The following RGL3 variants were observed in gnomAD, a reference collection of about 807,000 sequenced individuals.
RGL3 encodes ral guanine nucleotide dissociation stimulator-like 3.
In RGL3, 85 loss-of-function variants were observed where a neutral mutation model predicts 90.6. The ratio of observed to expected loss-of-function variants is 0.94; its 90% CI spans 0.79 to 1.12. RGL3 has a LOEUF of 1.12. Among genes scored for constraint, RGL3 ranks in the 50% most tolerant of loss-of-function variants. RGL3 has a pLI of 0.00. For missense variants in RGL3, 1,034 were observed against 939.2 expected, an observed-to-expected ratio of 1.10 and a Z score of -1.32; for synonymous variants, 408 against 385.5, an observed-to-expected ratio of 1.06 and a Z score of -0.68.
intron 4 of RGL3, 121 bp downstream of exon 4, chr19:11,416,493 C>A (rs1248625696): frequency 1.3e-5 from 13 of 983,260 alleles, no homozygotes; most frequent in Non-Finnish European, 2.0e-5. Context: ...GCCACCACGC[C>A]CCACCTGACT....
chr19:11,419,266 C>T lies in RGL3; in HGVS notation c.13G>A (p.Ala5Thr). 1 of 1,579,586 alleles carries T rather than the reference C, an allele frequency of 6.3e-7. No homozygotes were observed. The highest frequency in any genetic ancestry group is 8.6e-7 in the Non-Finnish European group (1 of 1,162,766). The change falls in exon 1 of 19, where the codon GCA (alanine) becomes ACA (threonine). Residue 5 changes from alanine to threonine, a missense_variant. By Grantham distance (58) the Ala-to-Thr change is moderately conservative. Coordinates refer to ENST00000380456, the MANE Select transcript of RGL3 (RefSeq NM_001035223.4). Reference sequence around the variant, plus strand: ...CTTACCAGGGCCAGCTCTTTGCCTGCTGTGCGCTCCATGGCCGGCGCCCGT... The same window carrying T: ...CTTACCAGGGCCAGCTCTTTGCCTGTTGTGCGCTCCATGGCCGGCGCCCGT... MERT[A>T]GKELALAPLQ...
intron 13 of RGL3, 82 bp from the exon 14 acceptor site, chr19:11,400,379 G>A: frequency 7.7e-7 from 1 of 1,304,164 alleles, no homozygotes; most frequent in Admixed American, 2.7e-5. Flanking sequence ...CAGTTGGGAG[G>A]TGGGTTTGGG....
At chr19:11,415,169 A>T (rs937708199) in intron 5 of RGL3, among the ~76,000 whole-genome samples, 2 of 151,746 alleles carry the variant, frequency 1.3e-5, no homozygotes, top group African/African-American at 2.4e-5. Flanking sequence ...AAATTAAATT[A>T]AATTTAAAAA....
intron 7 of RGL3, 147 bp downstream of exon 7, chr19:11,406,272 C>A (rs1447970573): frequency 1.4e-5 from 11 of 811,894 alleles, no homozygotes; most frequent in Non-Finnish European, 1.9e-5. Context: ...GACCCTCCTC[C>A]CTGAACCCAA....
At chr19:11,415,173 T>G (rs1472960878) in intron 5 of RGL3, among the ~76,000 whole-genome samples, 1 of 150,906 alleles carries the variant, frequency 6.6e-6, no homozygotes, top group Non-Finnish European at 1.5e-5. Flanking sequence ...TAAATTAAAT[T>G]TAAAAAGAAA....
rs550546478 is a variant in RGL3, at chr19:11,415,522, C to T, written c.637+415G>A. ...CGGAGTTTCGCTCTGGTTGTCCAGG[C>T]GAGAGTGCAATGGCACGATCTCGAC... On this transcript the variant is annotated intron_variant, in intron 5 of 18. Transcript: ENST00000380456. 2.2e-4 allele frequency among the ~76,000 whole-genome samples: 33 copies of T among 152,078 alleles called. No homozygotes were observed. The South Asian group carries it at 5.8e-3, about 27-fold the overall frequency.
In RGL3 at chr19:11,400,080, G is replaced by A; in HGVS notation, c.1609C>T (p.Pro537Ser). The A allele has an allele frequency of 6.2e-7, 1 of 1,610,430 alleles. No homozygotes were observed. The highest frequency in any genetic ancestry group is 1.3e-5 in the African/African-American group (1 of 74,866). The change falls in exon 15 of 19, where the codon CCT becomes TCT. Residue 537 changes from proline (P) to serine (S), a missense_variant. Pro to Ser is a moderately conservative substitution (Grantham distance 74). Transcript: ENST00000380456. ...GAGGGGTCCCCGGGACTCCCACTAGGTGATGAGCTTTTCTCTCGGGCAAGC... is the reference window on the plus strand; with the variant it reads ...GAGGGGTCCCCGGGACTCCCACTAGATGATGAGCTTTTCTCTCGGGCAAGC... Reference protein sequence around the residue: ...AKLAREKSSSPSGSPGDPSSP... With the variant: ...AKLAREKSSSSSGSPGDPSSP...
chr19:11,409,305 C>T (rs184459214), intron 5 of RGL3, among the ~76,000 whole-genome samples: 2,200 of 152,132 alleles, frequency 0.014, 56 homozygotes, highest in African/African-American at 0.05. Flanking sequence ...ATGGTGAAAC[C>T]CCGTCTCTAC....
At chr19:11,399,544 G>C (rs777728333) in intron 16 of RGL3, among the ~76,000 whole-genome samples, 44 of 152,226 alleles carry the variant, frequency 2.9e-4, no homozygotes, top group Admixed American at 7.9e-4. Context: ...ACTTCAGCCT[G>C]GGTGACAGAG....
Position 11,418,696 on chromosome 19 carries a change from G to A in RGL3, c.122C>T (p.Pro41Leu). The A allele has an allele frequency of 3.8e-6, 6 of 1,565,286 alleles. No homozygotes were observed. Among genetic ancestry groups the A allele is most frequent in the South Asian group, 1.2e-5 (1 of 86,004 alleles). ...CTGGCTGCCCCCGGGGCCCTCCGCC[G>A]GGCTCCTGCGCTGACTGCGCTGCCG... Reference protein sequence around the residue: ...LRRQRSQRRSPAEGPGGSQAP... With the variant: ...LRRQRSQRRSLAEGPGGSQAP... Residue 41 changes from proline to leucine, a missense_variant, in exon 2 of 19, where the codon CCG (proline) becomes CTG (leucine). Transcript: ENST00000380456.
Position 11,402,062 on chromosome 19 carries a change from G to T in RGL3, c.1433C>A (p.Pro478Gln). ...GGCATGCAGGGCAGCCAGGATGGGC[G>T]GGTGGGGGCTCAGGGTGTAGCTCTG... is the stretch of plus-strand genomic sequence containing the variant. ...RCQSYTLSPH[P>Q]PILAALHAQN... The change falls in exon 13 of 19, where the codon CCG becomes CAG. Residue 478 changes from proline to glutamine, a missense_variant. Transcript: ENST00000380456. 1 of 1,576,230 alleles carries T rather than the reference G, an allele frequency of 6.3e-7. No homozygotes were observed.
At position 11,406,703 on chromosome 19, in the gene RGL3, C is replaced by A. The variant is rs1215820328; in HGVS notation, c.780+19G>T. On this transcript the variant is annotated intron_variant, in intron 6 of 18. Coordinates refer to ENST00000380456, the MANE Select transcript of RGL3 (RefSeq NM_001035223.4). ...GTCCCCTCACTGTGGCTCATCCCGA[C>A]CCTGTCCGGGATCCTCACCAAGTCT... 6.2e-7 allele frequency: 1 copy of A among 1,613,024 alleles called. No individual in the cohort carries two copies. Among genetic ancestry groups the A allele is most frequent in the Non-Finnish European group, 8.5e-7 (1 of 1,179,744 alleles).
intron 7 of RGL3, 23 bp downstream of exon 7, chr19:11,406,396 C>A: frequency 6.6e-7 from 1 of 1,523,560 alleles, no homozygotes; most frequent in Non-Finnish European, 8.8e-7. Flanking sequence ...CCCCCGCATC[C>A]CCTCTCCGCG....
Position 11,406,787 on chromosome 19 carries a change from G to C in RGL3, c.715C>G (p.Gln239Glu), listed in dbSNP as rs758291603. 5 of 1,614,060 alleles carry C rather than the reference G, an allele frequency of 3.1e-6. No homozygotes were observed. Among genetic ancestry groups the C allele is most frequent in the Non-Finnish European group, 4.2e-6 (5 of 1,180,040 alleles). ...CAEEEEGLMP[Q>E]GPQLLDFSVD... The stretch of plus-strand genomic sequence containing the variant: ...CTGAAGTCCAGGAGCTGGGGACCTT[G>C]AGGCATGAGCCCTTCCTCTTCCTCC... Residue 239 changes from glutamine to glutamate, a missense_variant, in exon 6 of 19, where the codon CAA becomes GAA. Transcript: ENST00000380456.
At chr19:11,418,940 C>A in intron 1 of RGL3, 156 bp from the exon 2 acceptor site, 1 of 654,326 alleles carries the variant, frequency 1.5e-6, no homozygotes, top group South Asian at 2.0e-5. Context: ...CCAGGCTAGT[C>A]CCCTCCTCGC....
Position 11,416,948 on chromosome 19 carries a change from C to T in RGL3, c.259G>A (p.Glu87Lys), listed in dbSNP as rs746271415. ...LVGELVFGDREQDPSFMPAFL... is the reference protein window; with the variant it reads ...LVGELVFGDRKQDPSFMPAFL... The stretch of plus-strand genomic sequence containing the variant: ...GCGGGCATGAAGCTGGGGTCCTGCT[C>T]ACGGTCTCCAAACACCAACTCTCCC... The change falls in exon 3 of 19, where the codon GAG becomes AAG. Residue 87 changes from glutamate (E) to lysine (K), a missense_variant. Transcript: ENST00000380456. 13 of 1,613,928 alleles carry T rather than the reference C, an allele frequency of 8.1e-6. No homozygotes were observed. In the Admixed American group the frequency reaches 8.3e-5, roughly 10 times the overall value.
At chr19:11,410,221 G>A (rs535620352) in intron 5 of RGL3, among the ~76,000 whole-genome samples, 1 of 150,112 alleles carries the variant, frequency 6.7e-6, no homozygotes, top group South Asian at 2.1e-4. Context: ...GACTGGTCTC[G>A]AACTCCTGAC....
chr19:11,402,141 C>A lies in RGL3; in HGVS notation c.1363-9G>T. 2 of 1,601,940 alleles carry A rather than the reference C, an allele frequency of 1.2e-6. No individual in the cohort carries two copies. The highest frequency in any genetic ancestry group is 1.7e-6 in the Non-Finnish European group (2 of 1,176,070). On this transcript the variant is annotated splice_polypyrimidine_tract_variant and intron_variant, in intron 12 of 18. Coordinates refer to ENST00000380456, the MANE Select transcript of RGL3 (RefSeq NM_001035223.4). The stretch of plus-strand genomic sequence containing the variant: ...GCCAGGATCTCCCACTCCTGGAGGA[C>A]GAGCCTCTAAGACCCTACCCCTGCC...
At chr19:11,418,245 C>G (rs1472610972) in intron 2 of RGL3, among the ~76,000 whole-genome samples, 1 of 123,206 alleles carries the variant, frequency 8.1e-6, no homozygotes, top group Non-Finnish European at 1.7e-5. Context: ...CTCCCCCCAC[C>G]CCCCCGCCCC....
Sources: allele counts gnomAD v4.1 joint callset (sites outside exome capture counted in the v4.1 genomes callset), GRCh38; gene constraint gnomAD v4.1.1; transcripts MANE v1.5; gene names NCBI Gene and HGNC (gene_info 2026-07-23, HGNC 2026-07-21).